SMARCA4: variants seen among roughly 807,000 people sequenced by gnomAD.
SMARCA4 encodes SWI/SNF related BAF chromatin remodeling complex subunit ATPase 4.
In SMARCA4, 31 loss-of-function variants were observed where a neutral mutation model predicts 193.9. The ratio of observed to expected loss-of-function variants is 0.16; its 90% CI spans 0.12 to 0.22. The LOEUF is 0.22. SMARCA4 is among the 10% of genes least tolerant of loss of function. The pLI, the probability that SMARCA4 is intolerant of heterozygous loss-of-function variation, is 1.00. For missense variants in SMARCA4, 1,148 were observed against 2,296.0 expected, an observed-to-expected ratio of 0.50 and a Z score of 10.22; for synonymous variants, 942 against 933.1, an observed-to-expected ratio of 1.01 and a Z score of -0.17.
intron 1 of SMARCA4, among the ~76,000 whole-genome samples, chr19:10,966,397 C>G (rs1023923228): frequency 4.6e-5 from 7 of 152,116 alleles, no homozygotes; most frequent in African/African-American, 1.7e-4. Flanking sequence ...CCAAGACCAG[C>G]CTGGGCAGCA....
chr19:10,992,295 T>G (rs999541450), intron 8 of SMARCA4, among the ~76,000 whole-genome samples: 6 of 150,636 alleles, frequency 4.0e-5, no homozygotes, highest in Non-Finnish European at 8.9e-5. Context: ...TTTTGTATTT[T>G]TAGTAGAGAT....
rs757214683 is a variant in SMARCA4, at chr19:10,985,344, G to T, written c.294G>T (p.Met98Ile). 3 of 1,614,086 alleles carry T rather than the reference G, an allele frequency of 1.9e-6. No homozygotes were observed. Among genetic ancestry groups the T allele is most frequent in the Non-Finnish European group, 2.5e-6 (3 of 1,179,988 alleles). ...ACAACCAGATGAAAGGAATGGGGATGCGGTCAGGGGGCCATGCTGGGATGG... is the reference window on the plus strand; with the variant it reads ...ACAACCAGATGAAAGGAATGGGGATTCGGTCAGGGGGCCATGCTGGGATGG... ...PRYNQMKGMG[M>I]RSGGHAGMGP... The change falls in exon 3 of 35, where the codon ATG becomes ATT. Residue 98 changes from methionine to isoleucine, a missense_variant. Met to Ile is a conservative substitution (Grantham distance 10). Transcript: ENST00000344626. This position sits in a 1 kb window ranked among gnomAD's most constrained non-coding sequence, Gnocchi z 4.5.
At chr19:11,006,013 A>G (rs1383172380) in intron 13 of SMARCA4, among the ~76,000 whole-genome samples, 2 of 152,228 alleles carry the variant, frequency 1.3e-5, no homozygotes, top group African/African-American at 4.8e-5. Flanking sequence ...CTTGCCTAAA[A>G]TGTCGGTGTT....
intron 34 of SMARCA4, 107 bp from the exon 35 acceptor site, chr19:11,061,677 A>G (rs2147154453): frequency 9.0e-7 from 1 of 1,108,814 alleles, no homozygotes. Context: ...TGCCCGGCCC[A>G]CATCAGTGTT....
At chr19:11,038,635 C>G (rs2075399811) in intron 29 of SMARCA4, among the ~76,000 whole-genome samples, 1 of 152,200 alleles carries the variant, frequency 6.6e-6, no homozygotes, top group Admixed American at 6.5e-5. Context: ...TGTCTGATCA[C>G]CATCTTCCTT....
At position 11,058,765 on chromosome 19, in the gene SMARCA4, C is replaced by T; in HGVS notation, c.4534-23C>T. The T allele has an allele frequency of 6.2e-7, 1 of 1,605,906 alleles. No individual in the cohort carries two copies. ...GGCGAGGCGGGGTCCTGAGGTAAGA[C>T]CTGCTCCTCCCGTCCACTGCAGGAG... On this transcript the variant is annotated intron_variant, in intron 31 of 34. Coordinates refer to ENST00000344626, the MANE Select transcript of SMARCA4 (RefSeq NM_003072.5). The surrounding 1 kb of genome is among the most constrained non-coding windows in gnomAD (Gnocchi z 5.8).
intron 24 of SMARCA4, among the ~76,000 whole-genome samples, chr19:11,029,385 G>A (rs974752775): frequency 2.6e-4 from 39 of 152,370 alleles, no homozygotes; most frequent in African/African-American, 9.1e-4. Context: ...TTGAACTACA[G>A]ATGTGTCCTC....
chr19:11,047,146 C>T (rs922077126), intron 30 of SMARCA4, among the ~76,000 whole-genome samples: 3 of 152,138 alleles, frequency 2.0e-5, no homozygotes, highest in African/African-American at 7.2e-5. Flanking sequence ...TGCCGTCATT[C>T]TCTAGGACCC....
At chr19:10,975,635 A>C (rs753849678) in intron 1 of SMARCA4, among the ~76,000 whole-genome samples, 13 of 151,294 alleles carry the variant, frequency 8.6e-5, no homozygotes, top group Non-Finnish European at 1.8e-4. Context: ...ATGTGCCAAG[A>C]CTTCTGCAGC....
At chr19:11,006,426 A>G (rs1326939223) in intron 13 of SMARCA4, among the ~76,000 whole-genome samples, 1 of 152,222 alleles carries the variant, frequency 6.6e-6, no homozygotes, top group Non-Finnish European at 1.5e-5. Flanking sequence ...CTGGAAGTAA[A>G]TTACAAGCAA....
At chr19:11,025,700 C>T (rs537151036) in intron 22 of SMARCA4, 192 bp downstream of exon 22, 51 of 607,216 alleles carry the variant, frequency 8.4e-5, no homozygotes, top group South Asian at 4.6e-4. Flanking sequence ...TAGGGCGCAA[C>T]GTGCGATAGG....
At chr19:11,038,147 C>T (rs79769281) in intron 29 of SMARCA4, among the ~76,000 whole-genome samples, 7,361 of 152,222 alleles carry the variant, frequency 0.048, 240 homozygotes, top group South Asian at 0.11. Context: ...ACGGTGTGGG[C>T]AGGGCTGTGT....
intron 34 of SMARCA4, among the ~76,000 whole-genome samples, chr19:11,061,212 TATATA>T (rs2076872498): frequency 9.7e-6 from 1 of 102,904 alleles, no homozygotes; most frequent in South Asian, 2.8e-4. Flanking sequence ...AAAATATATA[TATATA>T]TATATATATA....
rs1046459370 is a variant in SMARCA4 at position 11,058,938 on chromosome 19, T to G, written c.4635+49T>G. On this transcript the variant is annotated intron_variant, in intron 32 of 34. Coordinates refer to ENST00000344626, the MANE Select transcript of SMARCA4 (RefSeq NM_003072.5). The surrounding 1 kb of genome is among the most constrained non-coding windows in gnomAD (Gnocchi z 5.8). ...GGATGGGCCACTCCCACAGCTGGGC[T>G]TTGACCCAACCCGCCCCTCCTTCCC... 18 of 1,449,898 alleles carry G rather than the reference T, an allele frequency of 1.2e-5. No individual in the cohort carries two copies. In the African/African-American group the frequency reaches 2.1e-4, roughly 17 times the overall value. 89.8% of individuals were successfully genotyped at this position (1,449,898 alleles called of 1,614,324 possible).
In SMARCA4 at chr19:11,033,753, CTATT is replaced by C. The variant is rs1060502076; in HGVS notation, c.3775-10_3775-7del. ...TGACAGCCCTGGAGACTGAAGTCCTCTATTTATCCACAGAGCAGACACTGCAGCA... is the reference window on the plus strand; with the variant it reads ...TGACAGCCCTGGAGACTGAAGTCCTCTATCCACAGAGCAGACACTGCAGCA... On this transcript the variant is annotated splice_polypyrimidine_tract_variant and intron_variant, in intron 26 of 34. Transcript: ENST00000344626. This position sits in a 1 kb window ranked among gnomAD's most constrained non-coding sequence, Gnocchi z 9.8. The C allele has an allele frequency of 1.3e-6, 1 of 780,080 alleles. No homozygotes were observed. The allele number at this position is 780,080 out of a possible 1,614,324, so 48.3% of individuals were successfully genotyped here. A position where few individuals can be genotyped will look rare whatever the true frequency, so the allele number is the denominator to read the frequency against.
At position 11,019,382 on chromosome 19, in the gene SMARCA4, C is replaced by G; in HGVS notation, c.2506-209C>G. 1.6e-6 allele frequency: 1 copy of G among 618,384 alleles called. No homozygotes were observed. The highest frequency in any genetic ancestry group is 2.9e-6 in the Non-Finnish European group (1 of 344,480). 38.3% of individuals were successfully genotyped at this position (618,384 alleles called of 1,614,324 possible). A position where few individuals can be genotyped will look rare whatever the true frequency, so the allele number is the denominator to read the frequency against. On this transcript the variant is annotated intron_variant, in intron 17 of 34. Coordinates refer to ENST00000344626, the MANE Select transcript of SMARCA4 (RefSeq NM_003072.5). The surrounding 1 kb of genome is among the most constrained non-coding windows in gnomAD (Gnocchi z 6.1). ...TCAGGCCCCGGCCGCCGCTGGCCTG[C>G]ACTGCTTCCTCTTCCCCCTGCAGCG...
At chr19:11,056,888 C>T (rs867454849) in intron 30 of SMARCA4, among the ~76,000 whole-genome samples, 3 of 152,218 alleles carry the variant, frequency 2.0e-5, no homozygotes, top group East Asian at 1.9e-4. Context: ...ACCATGTTGT[C>T]GCTGCCATTT....
chr19:11,036,287 C>T (rs919370371), intron 29 of SMARCA4, among the ~76,000 whole-genome samples: 2 of 152,196 alleles, frequency 1.3e-5, no homozygotes, highest in Admixed American at 1.3e-4. Flanking sequence ...ACCGGCCCTG[C>T]ATTTTTTTCT....
At position 11,033,952 on chromosome 19, in the gene SMARCA4, G is replaced by T; in HGVS notation, c.3873+87G>T. The T allele has an allele frequency of 1.4e-6, 1 of 740,004 alleles. No homozygotes were observed. The allele number at this position is 740,004 out of a possible 1,614,324, so 45.8% of individuals were successfully genotyped here. A position where few individuals can be genotyped will look rare whatever the true frequency, so the allele number is the denominator to read the frequency against. The stretch of plus-strand genomic sequence containing the variant: ...AGCAAGGGCCCTGGTCCCACGGAGC[G>T]TGCGTGTGCGTGTGCGTGTGTGTGC... On this transcript the variant is annotated intron_variant, in intron 27 of 34. Transcript: ENST00000344626. The surrounding 1 kb of genome is among the most constrained non-coding windows in gnomAD (Gnocchi z 9.8).
Sources: allele counts gnomAD v4.1 joint callset (sites outside exome capture counted in the v4.1 genomes callset), GRCh38; gene constraint gnomAD v4.1.1; non-coding constraint Gnocchi (gnomAD v3.1); transcripts MANE v1.5; gene names NCBI Gene and HGNC (gene_info 2026-07-23, HGNC 2026-07-21).